The following SDK2 variants were observed in gnomAD, a reference collection of about 807,000 sequenced individuals.
The protein encoded by SDK2 is sidekick cell adhesion molecule 2.
SDK2 carries 105 observed loss-of-function variants against 253.9 expected under a neutral mutation model. The observed-to-expected ratio is 0.41, with a 90% CI of 0.35 to 0.49. The LOEUF is 0.49. Ranked by LOEUF, SDK2 falls within the 20% of genes least tolerant of loss-of-function variation. SDK2 has a pLI of 0.06. For synonymous variants in SDK2, 1,249 were observed against 1,234.9 expected, an observed-to-expected ratio of 1.01 and a Z score of -0.24; for missense variants, 2,608 against 3,003.0, an observed-to-expected ratio of 0.87 and a Z score of 3.07.
At chr17:73,464,424 A>C (rs1030433680) in intron 3 of SDK2, among the ~76,000 whole-genome samples, 13 of 152,216 alleles carry the variant, frequency 8.5e-5, no homozygotes, top group Non-Finnish European at 1.3e-4. Context: ...CTCTCTAGCC[A>C]TGTGGAACTG....
chr17:73,386,607 CT>C, intron 30 of SDK2, 59 bp from the exon 31 acceptor site: 4 of 1,250,322 alleles, frequency 3.2e-6, no homozygotes, highest in South Asian at 1.3e-5. Context: ...TCGCCCCATG[CT>C]CCCACCAAGG....
At chr17:73,340,807 G>A (rs1232289670) in intron 44 of SDK2, among the ~76,000 whole-genome samples, 1 of 61,528 alleles carries the variant, frequency 1.6e-5, no homozygotes, top group African/African-American at 3.5e-5. Context: ...GCAGTGGCAC[G>A]ATCTTGGCTC....
chr17:73,405,157 G>T (rs145377402), intron 18 of SDK2, among the ~76,000 whole-genome samples: 434 of 5,740 alleles, frequency 0.076, 2 homozygotes, highest in African/African-American at 0.19. Flanking sequence ...GAAAATAAAA[G>T]TTAGGCTGGG....
Position 73,408,172 on chromosome 17 carries a change from C to A in SDK2, c.2485-6031G>T, listed in dbSNP as rs555770403. On this transcript the variant is annotated intron_variant, in intron 18 of 44. Transcript: ENST00000392650. Reference sequence around the variant, plus strand: ...ATTCAAGCAATTCTTCTGCCTCAGCCTCCCGAGTAGCTGAGATTAGAGGCA... The same window carrying A: ...ATTCAAGCAATTCTTCTGCCTCAGCATCCCGAGTAGCTGAGATTAGAGGCA... Among the ~76,000 whole-genome samples, 3 of 151,106 alleles carry A rather than the reference C, an allele frequency of 2.0e-5. No individual in the cohort carries two copies. The East Asian group carries it at 5.9e-4, about 30-fold the overall frequency.
chr17:73,530,024 G>A (rs1026473825), intron 1 of SDK2, among the ~76,000 whole-genome samples: 3 of 152,122 alleles, frequency 2.0e-5, no homozygotes, highest in African/African-American at 7.2e-5. Flanking sequence ...TGGGCAAGGT[G>A]GAAGGAAGGG....
intron 2 of SDK2, among the ~76,000 whole-genome samples, chr17:73,483,307 C>CTTT (rs3070666): frequency 1.1e-4 from 13 of 116,956 alleles, no homozygotes; most frequent in East Asian, 2.4e-4. Flanking sequence ...CAAGACAGAA[C>CTTT]TTTTTTTTTT....
chr17:73,383,799 C>G lies in SDK2; in HGVS notation c.4705+77G>C. ...TTCAGGTTAGAGTGGTTCCAGGAAG[C>G]TGAGAGCTCCAGAGCGGGAAGGTGA... On this transcript the variant is annotated intron_variant, in intron 33 of 44. Coordinates refer to ENST00000392650, the MANE Select transcript of SDK2 (RefSeq NM_001144952.2). This position sits in a 1 kb window ranked among gnomAD's most constrained non-coding sequence, Gnocchi z 4.3. 1 of 1,578,380 alleles carries G rather than the reference C, an allele frequency of 6.3e-7. No homozygotes were observed.
intron 29 of SDK2, among the ~76,000 whole-genome samples, chr17:73,388,389 G>A (rs1276345783): frequency 6.6e-6 from 1 of 152,214 alleles, no homozygotes; most frequent in Non-Finnish European, 1.5e-5. Context: ...GTCCCTGATT[G>A]AGCAGGATGA....
At chr17:73,593,391 C>T (rs1413830832) in intron 1 of SDK2, among the ~76,000 whole-genome samples, 3 of 152,194 alleles carry the variant, frequency 2.0e-5, no homozygotes, top group Non-Finnish European at 2.9e-5. Flanking sequence ...ATCCTTCCTC[C>T]TCATTGTGCA....
chr17:73,599,028 C>A lies in SDK2; in HGVS notation c.64+44997G>T, dbSNP rs188854420. ...AAAACGGACTTTTCCGGGTAAGGAG[C>A]GAGTGGAAAATGTAGCATCCCCCTA... On this transcript the variant is annotated intron_variant, in intron 1 of 44. Coordinates refer to ENST00000392650, the MANE Select transcript of SDK2 (RefSeq NM_001144952.2). 1.5e-3 allele frequency among the ~76,000 whole-genome samples: 226 copies of A among 152,312 alleles called. 2 individuals are homozygous for A. The highest frequency in any genetic ancestry group is 5.1e-3 in the African/African-American group (213 of 41,570).
chr17:73,507,513 G>C lies in SDK2; in HGVS notation c.149C>G (p.Ala50Gly). The C allele has an allele frequency of 6.4e-7, 1 of 1,551,652 alleles. No individual in the cohort carries two copies. The highest frequency in any genetic ancestry group is 1.2e-5 in the South Asian group (1 of 84,050). ...GAACTCCAGTGGCCAGCTGCCCTCG[G>C]CCATGCATGTAAGCACCAGGCGGTT... ...EGNRLVLTCMAEGSWPLEFKW... is the reference protein window; with the variant it reads ...EGNRLVLTCMGEGSWPLEFKW... Residue 50 changes from alanine to glycine, a missense_variant, in exon 2 of 45, where the codon GCC becomes GGC. Transcript: ENST00000392650.
In SDK2 at chr17:73,430,590, G is replaced by A. The variant is rs1324632270; in HGVS notation, c.1504C>T (p.Pro502Ser). The change falls in exon 12 of 45, where the codon CCC becomes TCC. Residue 502 changes from proline to serine, a missense_variant. By Grantham distance (74) the Pro-to-Ser change is moderately conservative. Transcript: ENST00000392650. ...CCCTTGATGACACTCTGATCCTGGG[G>A]GGGCTTGGTGATGCGGGTCCGAGCT... ...VWARTRITKPPQDQSVIKGTQ... is the reference protein window; with the variant it reads ...VWARTRITKPSQDQSVIKGTQ... The A allele has an allele frequency of 6.3e-7, 1 of 1,582,704 alleles. No individual in the cohort carries two copies. The highest frequency in any genetic ancestry group is 8.6e-7 in the Non-Finnish European group (1 of 1,163,720).
At chr17:73,549,879 C>A (rs1456441795) in intron 1 of SDK2, among the ~76,000 whole-genome samples, 1 of 152,134 alleles carries the variant, frequency 6.6e-6, no homozygotes, top group Admixed American at 6.5e-5. Context: ...ACTCTGGCTG[C>A]AACGTAGTGG....
intron 1 of SDK2, among the ~76,000 whole-genome samples, chr17:73,596,665 G>T (rs751394713): frequency 2.0e-5 from 3 of 152,056 alleles, no homozygotes; most frequent in African/African-American, 7.2e-5. Flanking sequence ...ACCCCCAGAA[G>T]GGAGATGAGG....
At chr17:73,506,239 G>T (rs1349996034) in intron 2 of SDK2, among the ~76,000 whole-genome samples, 1 of 152,192 alleles carries the variant, frequency 6.6e-6, no homozygotes, top group Non-Finnish European at 1.5e-5. Flanking sequence ...GCCCCCAACT[G>T]AAAACCACAG....
chr17:73,592,821 G>A (rs1307314569), intron 1 of SDK2, among the ~76,000 whole-genome samples: 2 of 152,180 alleles, frequency 1.3e-5, no homozygotes, highest in African/African-American at 4.8e-5. Flanking sequence ...GACACCAAGA[G>A]CTTTGGGGAA....
chr17:73,553,371 G>A (rs1217273093), intron 1 of SDK2, among the ~76,000 whole-genome samples: 1 of 152,140 alleles, frequency 6.6e-6, no homozygotes, highest in Non-Finnish European at 1.5e-5. Context: ...AGTGACCCTG[G>A]AAGGTGGATG....
intron 2 of SDK2, among the ~76,000 whole-genome samples, chr17:73,494,064 C>A (rs1007510775): frequency 6.6e-6 from 1 of 152,168 alleles, no homozygotes; most frequent in Non-Finnish European, 1.5e-5. Context: ...CCTGACCCGG[C>A]GAGTCCCTCT....
Position 73,623,357 on chromosome 17 carries a change from G to C in SDK2, c.64+20668C>G, listed in dbSNP as rs535721219. On this transcript the variant is annotated intron_variant, in intron 1 of 44. Coordinates refer to ENST00000392650, the MANE Select transcript of SDK2 (RefSeq NM_001144952.2). ...TCATCATAGAGGCAGTCTGGCTCTG[G>C]GGTTCCCCCTCTCTGTTCTCTATTG... Among the ~76,000 whole-genome samples the C allele has an allele frequency of 3.9e-5, 6 of 152,230 alleles. No homozygotes were observed. In the South Asian group the frequency reaches 1.2e-3, roughly 32 times the overall value.
Sources: gnomAD v4.1 joint callset for allele counts (sites outside exome capture counted in the v4.1 genomes callset) on GRCh38, gnomAD v4.1.1 for gene constraint, Gnocchi (gnomAD v3.1) non-coding constraint, MANE v1.5 for transcripts, NCBI Gene and HGNC (gene_info 2026-07-23, HGNC 2026-07-21) for gene names.